DSCAM: variants seen among roughly 807,000 people sequenced by gnomAD.
The protein encoded by DSCAM is cell adhesion molecule DSCAM.
DSCAM carries 47 observed loss-of-function variants against 217.7 expected under a neutral mutation model. The ratio of observed to expected loss-of-function variants is 0.22; its 90% CI spans 0.17 to 0.28. The LOEUF (loss-of-function observed/expected upper bound fraction) is 0.28, where lower values mean the gene tolerates loss of function less well. Ranked by LOEUF, DSCAM falls within the 10% of genes least tolerant of loss-of-function variation. The probability of loss-of-function intolerance (pLI) is 1.00; values close to 1 mark genes in which losing one functional copy is unlikely to be tolerated. For synonymous variants in DSCAM, 1,056 were observed against 1,015.3 expected, an observed-to-expected ratio of 1.04 and a Z score of -0.76; for missense variants, 2,080 against 2,618.3, an observed-to-expected ratio of 0.79 and a Z score of 4.49.
At chr21:40,516,958 C>A (rs998721707) in intron 3 of DSCAM, among the ~76,000 whole-genome samples, 16 of 147,520 alleles carry the variant, frequency 1.1e-4, no homozygotes, top group Admixed American at 2.1e-4. Context: ...TCACCTTACT[C>A]TCTGTAAATA....
intron 25 of DSCAM, 141 bp from the exon 26 acceptor site, chr21:40,079,118 G>T: frequency 1.1e-6 from 1 of 877,780 alleles, no homozygotes; most frequent in Non-Finnish European, 1.7e-6. Flanking sequence ...CTGGCAACTT[G>T]TCCCCTGTTA....
intron 3 of DSCAM, among the ~76,000 whole-genome samples, chr21:40,455,634 T>C (rs2075757278): frequency 6.6e-6 from 1 of 152,068 alleles, no homozygotes; most frequent in Non-Finnish European, 1.5e-5. Context: ...CTGGGCATGG[T>C]GGCATGCACC....
intron 3 of DSCAM, among the ~76,000 whole-genome samples, chr21:40,477,113 G>A (rs186510116): frequency 3.9e-5 from 6 of 152,262 alleles, no homozygotes; most frequent in Admixed American, 3.3e-4. Flanking sequence ...GGATCTCAAT[G>A]TGGAAAAGTA....
rs577482530 is a variant in DSCAM, at chr21:40,215,528, G to A, written c.2357-26290C>T. ...AGCAACTTGGATGAAACTGGGGGCC[G>A]TTATTCTAAGTGAAGTAACTCAGGA... On this transcript the variant is annotated intron_variant, in intron 11 of 32. Transcript: ENST00000400454. Among the ~76,000 whole-genome samples, 532 of 152,122 alleles carry A rather than the reference G, an allele frequency of 3.5e-3. 1 individual carries two copies. Among genetic ancestry groups the A allele is most frequent in the African/African-American group, 0.012 (494 of 41,510 alleles).
chr21:40,637,108 CATATATAT>C (rs202011231), intron 3 of DSCAM, among the ~76,000 whole-genome samples: 3 of 37,390 alleles, frequency 8.0e-5, no homozygotes, highest in South Asian at 1.9e-3. Context: ...CCTTCTCATT[CATATATAT>C]ATATATATAT....
chr21:40,476,101 G>C (rs1049102109), intron 3 of DSCAM, among the ~76,000 whole-genome samples: 5 of 151,914 alleles, frequency 3.3e-5, no homozygotes, highest in African/African-American at 9.7e-5. Flanking sequence ...TTCTATAGGA[G>C]GGTCCCCATT....
At chr21:40,194,558 T>C (rs1341551014) in intron 11 of DSCAM, among the ~76,000 whole-genome samples, 2 of 152,328 alleles carry the variant, frequency 1.3e-5, no homozygotes, top group Non-Finnish European at 1.5e-5. Context: ...AAAGGTTGTG[T>C]GCTGCGTGCC....
At chr21:40,708,408 C>T in intron 2 of DSCAM, 46 bp downstream of exon 2, 1 of 1,370,662 alleles carries the variant, frequency 7.3e-7, no homozygotes, top group Non-Finnish European at 9.5e-7. Context: ...ATTATCCTCC[C>T]ATCCCAAGCA....
chr21:40,800,530 G>A (rs2091730335), intron 1 of DSCAM, among the ~76,000 whole-genome samples: 1 of 152,140 alleles, frequency 6.6e-6, no homozygotes, highest in African/African-American at 2.4e-5. Context: ...CCATTCTGAT[G>A]AGATCTCAGA....
intron 3 of DSCAM, among the ~76,000 whole-genome samples, chr21:40,610,513 A>C (rs548678376): frequency 6.6e-6 from 1 of 152,320 alleles, no homozygotes; most frequent in African/African-American, 2.4e-5. Context: ...ATATGTGCTT[A>C]TACGACTTTA....
At chr21:40,543,279 C>T (rs1286293606) in intron 3 of DSCAM, among the ~76,000 whole-genome samples, 1 of 152,146 alleles carries the variant, frequency 6.6e-6, no homozygotes, top group Non-Finnish European at 1.5e-5. Flanking sequence ...CCTAGGAAGT[C>T]CTGCCATTTC....
In DSCAM at chr21:40,679,659, G is replaced by A. The variant is rs577806034; in HGVS notation, c.508+13151C>T. Among the ~76,000 whole-genome samples the A allele has an allele frequency of 3.3e-5, 5 of 152,236 alleles. No individual in the cohort carries two copies. The East Asian group carries it at 9.6e-4, about 29-fold the overall frequency. ...ACTCTGATTTAGCTGTGATGGTTAA[G>A]GCAAAATATAAGATCCTTTCATTCT... is the stretch of plus-strand genomic sequence containing the variant. On this transcript the variant is annotated intron_variant, in intron 3 of 32. Transcript: ENST00000400454.
chr21:40,614,257 TTTTTG>T (rs2089357390), intron 3 of DSCAM, among the ~76,000 whole-genome samples: 1 of 152,202 alleles, frequency 6.6e-6, no homozygotes, highest in Non-Finnish European at 1.5e-5. Flanking sequence ...AGTCAAGAAA[TTTTTG>T]TTTTGTTTTC....
intron 11 of DSCAM, among the ~76,000 whole-genome samples, chr21:40,254,778 T>C (rs7276734): frequency 0.092 from 14,035 of 151,998 alleles, 1,503 homozygotes; most frequent in African/African-American, 0.24. Context: ...TTCCAGCAGG[T>C]TTCCAGCACA....
intron 3 of DSCAM, among the ~76,000 whole-genome samples, chr21:40,625,373 C>T (rs999211214): frequency 6.6e-6 from 1 of 152,118 alleles, no homozygotes; most frequent in Admixed American, 6.6e-5. Context: ...ACCAGCTATC[C>T]GGCACTTTCC....
At chr21:40,203,657 T>C (rs1314714373) in intron 11 of DSCAM, among the ~76,000 whole-genome samples, 1 of 152,250 alleles carries the variant, frequency 6.6e-6, no homozygotes, top group Admixed American at 6.5e-5. Flanking sequence ...CCCACCTCAA[T>C]AGAGAGAAGC....
At chr21:40,432,297 T>A (rs374986264) in intron 3 of DSCAM, among the ~76,000 whole-genome samples, 53 of 152,202 alleles carry the variant, frequency 3.5e-4, no homozygotes, top group African/African-American at 1.2e-3. Context: ...GGCTGTTTTT[T>A]CCAGAGGCTT....
chr21:40,815,819 C>T (rs546549059), intron 1 of DSCAM, among the ~76,000 whole-genome samples: 1 of 152,298 alleles, frequency 6.6e-6, no homozygotes, highest in East Asian at 1.9e-4. Context: ...CTCAACCTTT[C>T]TGTGATTCAG....
At chr21:40,356,419 C>T (rs906029384) in intron 4 of DSCAM, among the ~76,000 whole-genome samples, 14 of 140,216 alleles carry the variant, frequency 1.0e-4, no homozygotes, top group African/African-American at 1.6e-4. Flanking sequence ...GCACATTGTA[C>T]ATCACATTGT....
Sources: gnomAD v4.1 joint callset for allele counts (sites outside exome capture counted in the v4.1 genomes callset) on GRCh38, gnomAD v4.1.1 for gene constraint, MANE v1.5 for transcripts, NCBI Gene and HGNC (gene_info 2026-07-23, HGNC 2026-07-21) for gene names.